The following SV2C variants were observed in gnomAD, a reference collection of about 807,000 sequenced individuals.
SV2C encodes the protein synaptic vesicle glycoprotein 2C, also known as solute carrier family 22 member B3.
In SV2C, 49 loss-of-function variants were observed where a neutral mutation model predicts 79.7. The ratio of observed to expected loss-of-function variants is 0.61; its 90% CI spans 0.49 to 0.78. The LOEUF (loss-of-function observed/expected upper bound fraction) is 0.78. Among genes scored for constraint, SV2C ranks in the 30% least tolerant of loss-of-function variants. The probability of loss-of-function intolerance (pLI) is 0.00; values close to 1 mark genes in which losing one functional copy is unlikely to be tolerated. For missense variants in SV2C, 833 were observed against 912.9 expected (o/e 0.91, Z 1.13); for synonymous variants, 334 against 333.2 (o/e 1.00, Z -0.03).
At chr5:76,276,638 CTTTT>C (rs1188116727) in intron 4 of SV2C, among the ~76,000 whole-genome samples, 1 of 137,550 alleles carries the variant, frequency 7.3e-6, no homozygotes. Flanking sequence ...TTTTCTTTTT[CTTTT>C]TTTTTTTTTT....
chr5:76,298,744 T>C, intron 9 of SV2C, 50 bp from the exon 10 acceptor site: 1 of 1,596,400 alleles, frequency 6.3e-7, no homozygotes, highest in Non-Finnish European at 8.6e-7. Context: ...GCTTTGAACT[T>C]TGATGGACAC....
At chr5:76,061,149 AG>A in the SV2C span, among the ~76,000 whole-genome samples, 1 of 151,876 alleles carries the variant, frequency 6.6e-6, no homozygotes, top group African/African-American at 2.4e-5. Flanking sequence ...ATAATGAAAA[AG>A]TTTGAAATAT....
rs570268689 is a variant in SV2C at position 76,158,061 on chromosome 5, A to G, written c.580+25731A>G. 8.4e-4 allele frequency among the ~76,000 whole-genome samples: 128 copies of G among 152,002 alleles called. 1 individual carries two copies. The highest frequency in any genetic ancestry group is 3.1e-3 in the African/African-American group (128 of 41,564). On this transcript the variant is annotated intron_variant, in intron 2 of 12. Coordinates refer to ENST00000502798, the MANE Select transcript of SV2C (RefSeq NM_014979.4). The stretch of plus-strand genomic sequence containing the variant: ...AAAGTAGTAAAAAAAAAATCCTTAA[A>G]GAAATTTAAATGCTATAGTAGAAAA...
chr5:76,131,734 C>G lies in SV2C; in HGVS notation c.-17C>G. The G allele has an allele frequency of 6.4e-7, 1 of 1,563,590 alleles. No individual in the cohort carries two copies. The highest frequency in any genetic ancestry group is 8.7e-7 in the Non-Finnish European group (1 of 1,151,456). On this transcript the variant is annotated 5_prime_UTR_variant, in exon 2 of 13. Coordinates refer to ENST00000502798, the MANE Select transcript of SV2C (RefSeq NM_014979.4). ...TGAAAATTTCCCATCTTCTCATTGG[C>G]CATCAGTTGAGATAAGATGGAAGAC...
chr5:75,984,859 G>A, the SV2C span, among the ~76,000 whole-genome samples: 2 of 151,844 alleles, frequency 1.3e-5, no homozygotes, highest in Admixed American at 6.6e-5. Flanking sequence ...ATTGAATCAG[G>A]CCCACCCAGA....
chr5:76,030,499 T>A, the SV2C span, among the ~76,000 whole-genome samples: 2 of 151,988 alleles, frequency 1.3e-5, no homozygotes, highest in South Asian at 2.1e-4. Context: ...ACCCTAGCAA[T>A]GAAAGGGACC....
chr5:75,898,206 T>A, the SV2C span, among the ~76,000 whole-genome samples: 14 of 152,222 alleles, frequency 9.2e-5, no homozygotes, highest in Non-Finnish European at 1.2e-4. Flanking sequence ...GCTGTGGGTT[T>A]GTCATAAATA....
chr5:76,093,595 C>T (rs992692887), intron 1 of SV2C, among the ~76,000 whole-genome samples: 13 of 152,170 alleles, frequency 8.5e-5, no homozygotes, highest in African/African-American at 3.1e-4. Context: ...GGGCCTTATT[C>T]TTCTTATCCT....
At chr5:76,267,448 G>A (rs2112467277) in intron 4 of SV2C, among the ~76,000 whole-genome samples, 1 of 152,242 alleles carries the variant, frequency 6.6e-6, no homozygotes. Context: ...TTACTTGATG[G>A]CCTGTACCTT....
In SV2C at chr5:76,242,309, A is replaced by ACGGCAG; in HGVS notation, c.913+32426_913+32431dup. The stretch of plus-strand genomic sequence containing the variant: ...TCTCTTGGGCATGGTGGCGGCAGCG[A>ACGGCAG]CGGCAGCGGGACATAGGTGCTGGAC... On this transcript the variant is annotated intron_variant, in intron 4 of 12. Transcript: ENST00000502798. The ACGGCAG allele has an allele frequency of 2.7e-6, 4 of 1,466,532 alleles. No individual in the cohort carries two copies. In the South Asian group the frequency reaches 3.4e-5, roughly 13 times the overall value. The allele number at this position is 1,466,532 out of a possible 1,614,324, so 90.8% of individuals were successfully genotyped here.
intron 12 of SV2C, among the ~76,000 whole-genome samples, chr5:76,348,674 C>T: frequency 6.6e-6 from 1 of 152,118 alleles, no homozygotes; most frequent in East Asian, 1.9e-4. Context: ...TATAATAAAG[C>T]TAAATCTTTA....
the SV2C span, among the ~76,000 whole-genome samples, chr5:75,873,156 G>A: frequency 6.6e-6 from 1 of 152,066 alleles, no homozygotes; most frequent in African/African-American, 2.4e-5. Context: ...GTAGTAAAGT[G>A]TGTGTTAATA....
At chr5:75,880,518 C>T in the SV2C span, among the ~76,000 whole-genome samples, 1 of 152,198 alleles carries the variant, frequency 6.6e-6, no homozygotes, top group Non-Finnish European at 1.5e-5. Flanking sequence ...AAAACATGAA[C>T]ACAATGCAGC....
At chr5:75,996,542 G>C in the SV2C span, among the ~76,000 whole-genome samples, 38 of 152,092 alleles carry the variant, frequency 2.5e-4, no homozygotes, top group Non-Finnish European at 1.6e-4. Context: ...TAGCTTGATG[G>C]GGATGGCATT....
chr5:76,062,073 T>C, the SV2C span, among the ~76,000 whole-genome samples: 4 of 152,112 alleles, frequency 2.6e-5, no homozygotes, highest in African/African-American at 9.7e-5. Flanking sequence ...AAACGTTTAT[T>C]AAACCTGCTG....
intron 2 of SV2C, among the ~76,000 whole-genome samples, chr5:76,162,230 T>A (rs546688882): frequency 6.6e-6 from 1 of 152,322 alleles, no homozygotes; most frequent in Non-Finnish European, 1.5e-5. Context: ...GTTGAAGCAA[T>A]GTTAACTCTT....
the SV2C span, among the ~76,000 whole-genome samples, chr5:76,018,804 T>C: frequency 1.3e-5 from 2 of 152,208 alleles, no homozygotes; most frequent in African/African-American, 2.4e-5. Context: ...TATGCGTACA[T>C]GAACCCTAAG....
intron 1 of SV2C, among the ~76,000 whole-genome samples, chr5:76,108,430 A>G (rs1456246714): frequency 6.6e-6 from 1 of 152,232 alleles, no homozygotes; most frequent in East Asian, 1.9e-4. Flanking sequence ...AGGCAAATGT[A>G]GAAATATGGG....
the SV2C span, among the ~76,000 whole-genome samples, chr5:75,909,928 A>C: frequency 6.6e-6 from 1 of 152,206 alleles, no homozygotes; most frequent in Non-Finnish European, 1.5e-5. Context: ...AGACACAATA[A>C]TAGCCGGTGT....
Sources: allele counts gnomAD v4.1 joint callset (sites outside exome capture counted in the v4.1 genomes callset), GRCh38; gene constraint gnomAD v4.1.1; transcripts MANE v1.5; gene names NCBI Gene and HGNC (gene_info 2026-07-23, HGNC 2026-07-21).